MTPN: variants seen among roughly 807,000 people sequenced by gnomAD.
MTPN encodes granule cell differentiation protein.
Under a neutral mutation model 13.5 loss-of-function variants are expected in MTPN, and 2 were observed. That is an observed-to-expected ratio of 0.15 (90% CI 0.06 to 0.47). The LOEUF is 0.47. Among genes scored for constraint, MTPN ranks in the 20% least tolerant of loss-of-function variants. The pLI is 0.97. For missense variants in MTPN, 79 were observed against 137.9 expected (o/e 0.57, Z 2.14); for synonymous variants, 46 against 51.7 (o/e 0.89, Z 0.48).
At chr7:135,963,395 A>G (rs1376897238) in intron 1 of MTPN, among the ~76,000 whole-genome samples, 1 of 152,038 alleles carries the variant, frequency 6.6e-6, no homozygotes, top group Non-Finnish European at 1.5e-5. Context: ...GACTGATATC[A>G]GTGTGTCAAA....
At chr7:135,936,974 C>A (rs1645157881) in intron 3 of MTPN, among the ~76,000 whole-genome samples, 1 of 152,178 alleles carries the variant, frequency 6.6e-6, no homozygotes, top group African/African-American at 2.4e-5. Context: ...GCTATCTCCA[C>A]CCATAAATAA....
rs1799793182 is a variant in MTPN, at chr7:135,977,226, G to A, written c.-126C>T. On this transcript the variant is annotated 5_prime_UTR_variant, in exon 1 of 4. Coordinates refer to ENST00000393085, the MANE Select transcript of MTPN (RefSeq NM_145808.4). Reference sequence around the variant, plus strand: ...GCCGGAGAGGAGAAGAAGAGAAGGAGGGTTAGGCTGCCAGGCGGGCGAGGC... The same window carrying A: ...GCCGGAGAGGAGAAGAAGAGAAGGAAGGTTAGGCTGCCAGGCGGGCGAGGC... The A allele has an allele frequency of 4.2e-6, 4 of 951,434 alleles. No individual in the cohort carries two copies. The highest frequency in any genetic ancestry group is 4.0e-5 in the Admixed American group (2 of 50,582). 58.9% of individuals were successfully genotyped at this position (951,434 alleles called of 1,614,324 possible).
At chr7:135,951,235 A>G (rs1457734746) in intron 2 of MTPN, among the ~76,000 whole-genome samples, 2 of 152,178 alleles carry the variant, frequency 1.3e-5, no homozygotes, top group Non-Finnish European at 2.9e-5. Flanking sequence ...TTACCCACAG[A>G]TAGTGCTAAC....
At chr7:135,954,292 A>G (rs7794618) in intron 1 of MTPN, among the ~76,000 whole-genome samples, 8,860 of 152,334 alleles carry the variant, frequency 0.058, 304 homozygotes, top group East Asian at 0.093. Flanking sequence ...TATACTAGAC[A>G]AAAGATTATT....
intron 1 of MTPN, among the ~76,000 whole-genome samples, chr7:135,964,905 A>T (rs1000334399): frequency 2.0e-5 from 3 of 152,128 alleles, no homozygotes; most frequent in African/African-American, 7.2e-5. Context: ...AATGTTATGT[A>T]GAGATGTGCA....
rs1562939458 is a variant in MTPN, at chr7:135,977,350, CT to C, written c.-251del. The stretch of plus-strand genomic sequence containing the variant: ...CGCCTGGCCGAGGAGAGGCAGGAAC[CT>C]TTACACTTCCGGTTCACTCCCCGCT... On this transcript the variant is annotated 5_prime_UTR_variant, in exon 1 of 4. Coordinates refer to ENST00000393085, the MANE Select transcript of MTPN (RefSeq NM_145808.4). The C allele has an allele frequency of 1.8e-6, 1 of 546,550 alleles. No individual in the cohort carries two copies. The highest frequency in any genetic ancestry group is 1.9e-5 in the African/African-American group (1 of 52,400). The allele number at this position is 546,550 out of a possible 1,614,324, so 33.9% of individuals were successfully genotyped here.
chr7:135,932,609 C>G (rs1305819251), intron 3 of MTPN: 1 of 151,762 alleles, frequency 6.6e-6, no homozygotes, highest in East Asian at 1.9e-4. Flanking sequence ...TACATATATA[C>G]TTCTTTAAAA....
intron 1 of MTPN, among the ~76,000 whole-genome samples, chr7:135,974,680 G>A (rs1799745940): frequency 6.6e-6 from 1 of 152,186 alleles, no homozygotes; most frequent in African/African-American, 2.4e-5. Flanking sequence ...TGAGAATGAA[G>A]ACTAGACAGG....
intron 3 of MTPN, among the ~76,000 whole-genome samples, chr7:135,933,098 CAAAAAAAA>C (rs56865854): frequency 1.6e-5 from 1 of 63,064 alleles, no homozygotes; most frequent in Non-Finnish European, 3.0e-5. Context: ...CACTCAGCCT[CAAAAAAAA>C]AAAAAAAAAA....
At chr7:135,976,934 C>CCCCA in intron 1 of MTPN, 95 bp downstream of exon 1, 5 of 583,854 alleles carry the variant, frequency 8.6e-6, no homozygotes, top group Non-Finnish European at 1.6e-5. Context: ...TCCTCCCGCC[C>CCCCA]ACCCCCATCC....
In MTPN at chr7:135,976,578, G is replaced by C. The variant is rs535783481; in HGVS notation, c.72+451C>G. Among the ~76,000 whole-genome samples, 273 of 152,238 alleles carry C rather than the reference G, an allele frequency of 1.8e-3. 3 individuals are homozygous for C. Among genetic ancestry groups the C allele is most frequent in the African/African-American group, 5.9e-3 (245 of 41,530 alleles). On this transcript the variant is annotated intron_variant, in intron 1 of 3. Transcript: ENST00000393085. ...AATGAATTCTTCAACTTCACACCAGGCCGAGAGTTAAAAAACATGTTCCTC... is the reference window on the plus strand; with the variant it reads ...AATGAATTCTTCAACTTCACACCAGCCCGAGAGTTAAAAAACATGTTCCTC...
chr7:135,967,625 G>C (rs528095733), intron 1 of MTPN, among the ~76,000 whole-genome samples: 2 of 152,234 alleles, frequency 1.3e-5, no homozygotes, highest in South Asian at 4.1e-4. Flanking sequence ...AAGTAATCTT[G>C]CTTCTAAACA....
chr7:135,977,037 C>G lies in MTPN; in HGVS notation c.64G>C (p.Val22Leu). The change falls in exon 1 of 4, where the codon GTG becomes CTG. Residue 22 changes from valine (V) to leucine (L), a missense_variant. Coordinates refer to ENST00000393085, the MANE Select transcript of MTPN (RefSeq NM_145808.4). ...TTCTCATCCCCGCTTACCTTGGCCA[C>G]ATAGTCTTTCACCTCATCCAAGTCT... The part of the protein sequence containing the change: ...NGDLDEVKDY[V>L]AKGEDVNRTL... 6.2e-7 allele frequency: 1 copy of G among 1,614,080 alleles called. No individual in the cohort carries two copies. Among genetic ancestry groups the G allele is most frequent in the Non-Finnish European group, 8.5e-7 (1 of 1,180,020 alleles).
At position 135,928,413 on chromosome 7, in the gene MTPN, T is replaced by G. The variant is rs1232647079; in HGVS notation, c.*1513A>C. The G allele has an allele frequency of 6.0e-6, 1 of 167,016 alleles. No homozygotes were observed. The highest frequency in any genetic ancestry group is 1.5e-5 in the Non-Finnish European group (1 of 68,118). The allele number at this position is 167,016 out of a possible 1,614,324, so 10.3% of individuals were successfully genotyped here. A position where few individuals can be genotyped will look rare whatever the true frequency, so the allele number is the denominator to read the frequency against. ...AGGGTGACTGTTCTTGATAATAGAT[T>G]AACCCTGCTGTAGAATGCTATGTTG... is the stretch of plus-strand genomic sequence containing the variant. On this transcript the variant is annotated 3_prime_UTR_variant, in exon 4 of 4. Transcript: ENST00000393085.
At chr7:135,936,016 C>G (rs558935997) in intron 3 of MTPN, among the ~76,000 whole-genome samples, 37 of 152,256 alleles carry the variant, frequency 2.4e-4, no homozygotes, top group African/African-American at 8.4e-4. Flanking sequence ...TCCTTCGGGT[C>G]TTTACACATT....
At chr7:135,946,041 C>A (rs1274714533) in intron 3 of MTPN, among the ~76,000 whole-genome samples, 1 of 152,164 alleles carries the variant, frequency 6.6e-6, no homozygotes, top group Admixed American at 6.5e-5. Context: ...AATGTGGTGT[C>A]TCTCTCACAA....
At chr7:135,947,166 T>C (rs1042354023) in intron 3 of MTPN, among the ~76,000 whole-genome samples, 7 of 152,332 alleles carry the variant, frequency 4.6e-5, no homozygotes, top group Non-Finnish European at 8.8e-5. Context: ...TTCTTACTTA[T>C]CATTCCCCTT....
intron 3 of MTPN, among the ~76,000 whole-genome samples, chr7:135,936,633 T>C (rs1211519377): frequency 6.6e-6 from 1 of 152,212 alleles, no homozygotes; most frequent in African/African-American, 2.4e-5. Context: ...GCCTGCCTAC[T>C]AGCACACTAT....
intron 1 of MTPN, among the ~76,000 whole-genome samples, chr7:135,976,216 T>C (rs1799770468): frequency 6.6e-6 from 1 of 152,224 alleles, no homozygotes; most frequent in Non-Finnish European, 1.5e-5. Context: ...AGTTTTATAT[T>C]TGGGGCTGAG....
Sources: gnomAD v4.1 joint callset for allele counts (sites outside exome capture counted in the v4.1 genomes callset) on GRCh38, gnomAD v4.1.1 for gene constraint, MANE v1.5 for transcripts, NCBI Gene and HGNC (gene_info 2026-07-23, HGNC 2026-07-21) for gene names.